Variants in G3BP1 observed in about 807,000 individuals in gnomAD.
G3BP1 encodes the protein G3BP stress granule assembly factor 1, also known as ras GTPase-activating protein-binding protein 1.
A neutral mutation model predicts 58.6 loss-of-function variants in G3BP1; 35 were observed. The observed-to-expected ratio is 0.60, with a 90% confidence interval of 0.46 to 0.79. The LOEUF (loss-of-function observed/expected upper bound fraction) is 0.79. Among genes scored for constraint, G3BP1 ranks in the 30% least tolerant of loss-of-function variants. G3BP1 has a pLI of 0.00. For synonymous variants in G3BP1, 191 were observed against 195.4 expected (o/e 0.98, Z 0.19); for missense variants, 523 against 580.8 (o/e 0.90, Z 1.02).
At chr5:151,778,994 T>C (rs1269597327) in intron 1 of G3BP1, among the ~76,000 whole-genome samples, 1 of 151,680 alleles carries the variant, frequency 6.6e-6, no homozygotes, top group East Asian at 2.0e-4. Flanking sequence ...GAGGTGGAGG[T>C]TGCGGTGAGC....
intron 7 of G3BP1, among the ~76,000 whole-genome samples, chr5:151,798,209 G>A (rs1762789332): frequency 1.3e-5 from 2 of 152,196 alleles, no homozygotes; most frequent in Admixed American, 1.3e-4. Flanking sequence ...AATTAGCTGG[G>A]CATGGTGGTG....
intron 2 of G3BP1, among the ~76,000 whole-genome samples, chr5:151,789,065 G>A (rs1020155819): frequency 6.6e-6 from 1 of 151,890 alleles, no homozygotes; most frequent in Admixed American, 6.6e-5. Flanking sequence ...GTGAGCCACC[G>A]TGCCCAGCCT....
chr5:151,774,415 TAA>T (rs1762330566), intron 1 of G3BP1, among the ~76,000 whole-genome samples: 1 of 152,058 alleles, frequency 6.6e-6, no homozygotes, highest in Admixed American at 6.5e-5. Context: ...TAAGTTTTTG[TAA>T]AAGTTTGTGA....
chr5:151,803,815 C>T, intron 11 of G3BP1, 70 bp from the exon 12 acceptor site: 1 of 1,055,862 alleles, frequency 9.5e-7, no homozygotes, highest in South Asian at 1.4e-5. Context: ...ATTATTACAG[C>T]TTTCTTTATC....
intron 1 of G3BP1, among the ~76,000 whole-genome samples, chr5:151,778,222 T>TG (rs1259474595): frequency 1.3e-5 from 2 of 152,298 alleles, no homozygotes; most frequent in African/African-American, 2.4e-5. Flanking sequence ...CAGCGATGTT[T>TG]GGGGGGTTCC....
chr5:151,777,801 C>T (rs1283055750), intron 1 of G3BP1, among the ~76,000 whole-genome samples: 1 of 152,206 alleles, frequency 6.6e-6, no homozygotes, highest in African/African-American at 2.4e-5. Context: ...AAAGTTTTCT[C>T]ATGTCCCTTT....
At chr5:151,796,215 C>T (rs1386725139) in intron 6 of G3BP1, among the ~76,000 whole-genome samples, 3 of 152,126 alleles carry the variant, frequency 2.0e-5, no homozygotes, top group Admixed American at 2.0e-4. Flanking sequence ...GATTCATGGT[C>T]CCACTGCAAA....
At chr5:151,778,213 A>G (rs1333690598) in intron 1 of G3BP1, among the ~76,000 whole-genome samples, 1 of 152,204 alleles carries the variant, frequency 6.6e-6, no homozygotes, top group African/African-American at 2.4e-5. Context: ...CATTGCCACC[A>G]GCGATGTTTG....
rs142884355 is a variant in G3BP1, at chr5:151,804,579, C to T, written c.*488C>T. 7.8e-3 allele frequency: 1,198 copies of T among 152,718 alleles called. 12 individuals are homozygous for T. The highest frequency in any genetic ancestry group is 0.027 in the Middle Eastern group (8 of 294). The allele number at this position is 152,718 out of a possible 1,614,324, so 9.5% of individuals were successfully genotyped here. ...CTTCTTTGAGAGTCATGACTACCTT[C>T]TGGTGTGGAGAAATTGCCATTGGAA... On this transcript the variant is annotated 3_prime_UTR_variant, in exon 12 of 12. Transcript: ENST00000356245.
intron 1 of G3BP1, among the ~76,000 whole-genome samples, chr5:151,778,516 A>G (rs528904994): frequency 9.1e-4 from 138 of 152,152 alleles, no homozygotes; most frequent in Admixed American, 2.2e-3. Flanking sequence ...ATCTCTGCTC[A>G]CTACAACCTC....
intron 1 of G3BP1, among the ~76,000 whole-genome samples, chr5:151,775,788 TTG>T (rs1762359792): frequency 6.6e-6 from 1 of 152,238 alleles, no homozygotes; most frequent in South Asian, 2.1e-4. Context: ...GGTTTTAACT[TTG>T]GAGTGGGGAA....
chr5:151,788,139 C>T (rs1335530470), intron 2 of G3BP1, among the ~76,000 whole-genome samples: 1 of 151,804 alleles, frequency 6.6e-6, no homozygotes, highest in East Asian at 1.9e-4. Flanking sequence ...ATCTCGAACT[C>T]CTGGGCTCAA....
intron 7 of G3BP1, among the ~76,000 whole-genome samples, 163 bp downstream of exon 7, chr5:151,797,591 A>G (rs1215293661): frequency 6.6e-6 from 1 of 152,148 alleles, no homozygotes; most frequent in Non-Finnish European, 1.5e-5. Context: ...TTGATAAGAG[A>G]GAGGTAAGAT....
intron 5 of G3BP1, among the ~76,000 whole-genome samples, 191 bp from the exon 6 acceptor site, chr5:151,795,284 CAAAA>C (rs1393443692): frequency 6.6e-6 from 1 of 151,366 alleles, no homozygotes; most frequent in East Asian, 1.9e-4. Context: ...TCTCAAAAAA[CAAAA>C]AACAAAAAAA....
In G3BP1 at chr5:151,805,643, G is replaced by T. The variant is rs1762929162; in HGVS notation, c.*1552G>T. ...CAGTGAAGTTGGTATTACCAGTTTG[G>T]TTCCAGTTCCTCAAATATTTGAAAA... On this transcript the variant is annotated 3_prime_UTR_variant, in exon 12 of 12. Transcript: ENST00000356245. 6.6e-6 allele frequency: 1 copy of T among 152,192 alleles called. No homozygotes were observed. Among genetic ancestry groups the T allele is most frequent in the Non-Finnish European group, 1.5e-5 (1 of 68,028 alleles). 9.4% of individuals were successfully genotyped at this position (152,192 alleles called of 1,614,324 possible).
At position 151,790,401 on chromosome 5, in the gene G3BP1, G is replaced by C. The variant is rs1399766352; in HGVS notation, c.174G>C (p.Gln58His). The C allele has an allele frequency of 6.4e-7, 1 of 1,560,890 alleles. No homozygotes were observed. The highest frequency in any genetic ancestry group is 8.7e-7 in the Non-Finnish European group (1 of 1,147,060). The change falls in exon 3 of 12, where the codon CAG becomes CAC. Residue 58 changes from glutamine to histidine, a missense_variant. By Grantham distance (24) the Gln-to-His change is conservative. Transcript: ENST00000356245. The part of the protein sequence containing the change: ...NGKPADAVYG[Q>H]KEIHRKVMSQ... ...AGCCAGCAGATGCAGTCTACGGACA[G>C]AAAGTAAGCATTTCAAGCCTTATTT...
intron 1 of G3BP1, among the ~76,000 whole-genome samples, chr5:151,780,502 C>T (rs1376400295): frequency 6.6e-6 from 1 of 152,072 alleles, no homozygotes; most frequent in African/African-American, 2.4e-5. Flanking sequence ...GGATAATGCT[C>T]ATAGTTATTT....
intron 2 of G3BP1, among the ~76,000 whole-genome samples, chr5:151,788,476 A>G (rs2964572): frequency 0.47 from 70,784 of 150,752 alleles, 17,425 homozygotes; most frequent in African/African-American, 0.63. Flanking sequence ...ATAGCTTACT[A>G]CAGCCTTGAC....
At chr5:151,793,397 C>G (rs1313243797) in intron 4 of G3BP1, among the ~76,000 whole-genome samples, 1 of 152,214 alleles carries the variant, frequency 6.6e-6, no homozygotes, top group African/African-American at 2.4e-5. Context: ...GCATGAGCCA[C>G]TGTGCCCATC....
Sources: allele counts gnomAD v4.1 joint callset (sites outside exome capture counted in the v4.1 genomes callset), GRCh38; gene constraint gnomAD v4.1.1; transcripts MANE v1.5; gene names NCBI Gene and HGNC (gene_info 2026-07-23, HGNC 2026-07-21).